The following NOS1AP variants were observed in gnomAD, a reference collection of about 807,000 sequenced individuals.
The protein encoded by NOS1AP is nitric oxide synthase 1 adaptor protein.
In NOS1AP, 21 loss-of-function variants were observed where a neutral mutation model predicts 56.2. The observed-to-expected ratio is 0.37, with a 90% CI of 0.26 to 0.54. NOS1AP has a LOEUF of 0.54. Among genes scored for constraint, NOS1AP ranks in the 20% least tolerant of loss-of-function variants. The pLI is 0.84. For missense variants in NOS1AP, 522 were observed against 657.8 expected (o/e 0.79, Z 2.26); for synonymous variants, 270 against 274.6 (o/e 0.98, Z 0.17).
At chr1:162,292,324 G>A (rs1655304996) in intron 3 of NOS1AP, among the ~76,000 whole-genome samples, 3 of 152,188 alleles carry the variant, frequency 2.0e-5, no homozygotes, top group Admixed American at 2.0e-4. Flanking sequence ...GTTTGGAAAA[G>A]TAGAAGACCA....
At chr1:162,119,867 CA>C (rs1349246169) in intron 1 of NOS1AP, among the ~76,000 whole-genome samples, 3 of 152,078 alleles carry the variant, frequency 2.0e-5, no homozygotes, top group African/African-American at 7.2e-5. Context: ...AAGAGTGAAA[CA>C]TATTAGGGAT....
chr1:162,311,278 A>G (rs976948384), intron 4 of NOS1AP, among the ~76,000 whole-genome samples: 18 of 151,774 alleles, frequency 1.2e-4, no homozygotes, highest in Admixed American at 9.8e-4. Context: ...CATTTCTCCT[A>G]TTTCTGTTTT....
At chr1:162,277,361 T>A (rs1654775974) in intron 2 of NOS1AP, among the ~76,000 whole-genome samples, 1 of 152,222 alleles carries the variant, frequency 6.6e-6, no homozygotes, top group South Asian at 2.1e-4. Context: ...ATTTTCCTCC[T>A]CCTTCTCAAA....
chr1:162,347,573 G>A (rs1657344426), intron 6 of NOS1AP, among the ~76,000 whole-genome samples: 2 of 152,178 alleles, frequency 1.3e-5, no homozygotes, highest in South Asian at 4.1e-4. Flanking sequence ...GAACCACCTG[G>A]ATAGCATTTT....
At chr1:162,308,793 A>G (rs759257002) in intron 4 of NOS1AP, among the ~76,000 whole-genome samples, 1 of 152,332 alleles carries the variant, frequency 6.6e-6, no homozygotes, top group African/African-American at 2.4e-5. Flanking sequence ...ACACAGTCCT[A>G]CCCTCAAGGA....
rs1225393441 is a variant in NOS1AP at position 162,367,771 on chromosome 1, A to T, written c.*304A>T. ...CTCTCCAGGACTGCCAGGCTGCTGGAGGACCTGCCCCTACCTGCTGCATCG... is the reference window on the plus strand; with the variant it reads ...CTCTCCAGGACTGCCAGGCTGCTGGTGGACCTGCCCCTACCTGCTGCATCG... On this transcript the variant is annotated 3_prime_UTR_variant, in exon 10 of 10. Coordinates refer to ENST00000361897, the MANE Select transcript of NOS1AP (RefSeq NM_014697.3). The surrounding 1 kb of genome is among the most constrained non-coding windows in gnomAD (Gnocchi z 6.5). 6 of 381,988 alleles carry T rather than the reference A, an allele frequency of 1.6e-5. No homozygotes were observed. The highest frequency in any genetic ancestry group is 2.9e-5 in the Non-Finnish European group (6 of 209,526). 23.7% of individuals were successfully genotyped at this position (381,988 alleles called of 1,614,324 possible).
chr1:162,361,758 G>A (rs1384340383), intron 8 of NOS1AP, among the ~76,000 whole-genome samples: 1 of 152,240 alleles, frequency 6.6e-6, no homozygotes, highest in East Asian at 1.9e-4. Context: ...GGAAGCATTT[G>A]AGTCAAAGGT....
In NOS1AP at chr1:162,330,815, C is replaced by T. The variant is rs866318417; in HGVS notation, c.345-2202C>T. On this transcript the variant is annotated intron_variant, in intron 4 of 9. Coordinates refer to ENST00000361897, the MANE Select transcript of NOS1AP (RefSeq NM_014697.3). ...GTGAAAAATGAGAACTCTAGATGAT[C>T]AATAGCTTGGAGTTGAAGAGAAAAA... Among the ~76,000 whole-genome samples the T allele has an allele frequency of 7.2e-5, 11 of 152,246 alleles. 2 individuals are homozygous for T. In the Middle Eastern group the frequency reaches 0.017, roughly 235 times the overall value.
intron 2 of NOS1AP, among the ~76,000 whole-genome samples, chr1:162,197,540 A>G (rs1373867242): frequency 6.6e-6 from 1 of 152,146 alleles, no homozygotes; most frequent in African/African-American, 2.4e-5. Flanking sequence ...CCTAAAAATA[A>G]GTCTCTAAGA....
chr1:162,298,410 C>T (rs115417872), intron 3 of NOS1AP, among the ~76,000 whole-genome samples: 1,972 of 152,318 alleles, frequency 0.013, 20 homozygotes, highest in Non-Finnish European at 0.02. Flanking sequence ...GCACTCCTAC[C>T]CCTACAAACC....
chr1:162,346,898 A>C (rs1657312588), intron 6 of NOS1AP, among the ~76,000 whole-genome samples: 1 of 152,206 alleles, frequency 6.6e-6, no homozygotes, highest in Non-Finnish European at 1.5e-5. Flanking sequence ...GCATTTGGTC[A>C]TGTACCCTTG....
At chr1:162,271,325 T>C (rs902800681) in intron 2 of NOS1AP, among the ~76,000 whole-genome samples, 4 of 143,770 alleles carry the variant, frequency 2.8e-5, no homozygotes, top group African/African-American at 1.0e-4. Context: ...TACCCAGAAG[T>C]CCAGTGATGT....
chr1:162,265,899 C>T (rs1027539704), intron 2 of NOS1AP, among the ~76,000 whole-genome samples: 1 of 152,202 alleles, frequency 6.6e-6, no homozygotes, highest in African/African-American at 2.4e-5. Flanking sequence ...CCCATGGTAT[C>T]GGAGATCTTG....
intron 5 of NOS1AP, among the ~76,000 whole-genome samples, chr1:162,339,392 T>C (rs1375478123): frequency 4.4e-5 from 5 of 113,732 alleles, no homozygotes; most frequent in Admixed American, 1.8e-4. Flanking sequence ...AGTATAATGA[T>C]GCTTTTTTTA....
chr1:162,273,903 C>T (rs1199559972), intron 2 of NOS1AP, among the ~76,000 whole-genome samples: 1 of 152,108 alleles, frequency 6.6e-6, no homozygotes, highest in African/African-American at 2.4e-5. Flanking sequence ...TGCTTATTTT[C>T]CTTTTTATTT....
Position 162,368,343 on chromosome 1 carries a change from C to T in NOS1AP, c.*876C>T, listed in dbSNP as rs1036251940. 1.3e-5 allele frequency: 2 copies of T among 151,896 alleles called. No individual in the cohort carries two copies. Among genetic ancestry groups the T allele is most frequent in the Non-Finnish European group, 2.9e-5 (2 of 68,088 alleles). 9.4% of individuals were successfully genotyped at this position (151,896 alleles called of 1,614,324 possible). A position where few individuals can be genotyped will look rare whatever the true frequency, so the allele number is the denominator to read the frequency against. ...TCCTGTCCAGCTGAAGCTTTTGCAG[C>T]ACTTTACCTCTCTGAAAGCCCCAGA... On this transcript the variant is annotated 3_prime_UTR_variant, in exon 10 of 10. Coordinates refer to ENST00000361897, the MANE Select transcript of NOS1AP (RefSeq NM_014697.3).
At chr1:162,315,333 T>C (rs1309064772) in intron 4 of NOS1AP, among the ~76,000 whole-genome samples, 1 of 152,242 alleles carries the variant, frequency 6.6e-6, no homozygotes, top group Non-Finnish European at 1.5e-5. Flanking sequence ...TGTTGTAGCT[T>C]ACTCCGCAGC....
At chr1:162,091,681 T>TATGTGTA (rs1483616669) in intron 1 of NOS1AP, among the ~76,000 whole-genome samples, 3 of 152,184 alleles carry the variant, frequency 2.0e-5, no homozygotes, top group African/African-American at 7.2e-5. Flanking sequence ...AAATCCTGCT[T>TATGTGTA]ATGTGTAATT....
intron 1 of NOS1AP, among the ~76,000 whole-genome samples, chr1:162,129,766 C>T (rs1281749607): frequency 3.3e-5 from 5 of 152,224 alleles, no homozygotes; most frequent in African/African-American, 2.4e-5. Context: ...GCTGACCCAT[C>T]GCCAGCCCCT....
Sources: gnomAD v4.1 joint callset for allele counts (sites outside exome capture counted in the v4.1 genomes callset) on GRCh38, gnomAD v4.1.1 for gene constraint, Gnocchi (gnomAD v3.1) non-coding constraint, MANE v1.5 for transcripts, NCBI Gene and HGNC (gene_info 2026-07-23, HGNC 2026-07-21) for gene names.